The following MARCHF1 variants were observed in gnomAD, a reference collection of about 807,000 sequenced individuals.
The protein encoded by MARCHF1 is membrane associated ring-CH-type finger 1.
In MARCHF1, 40 loss-of-function variants were observed where a neutral mutation model predicts 54.2. The ratio of observed to expected loss-of-function variants is 0.74; its 90% CI spans 0.57 to 0.96. The LOEUF (loss-of-function observed/expected upper bound fraction) is 0.96. Among genes scored for constraint, MARCHF1 ranks in the 40% least tolerant of loss-of-function variants. The probability of loss-of-function intolerance (pLI) is 0.00; values close to 1 mark genes in which losing one functional copy is unlikely to be tolerated. For synonymous variants in MARCHF1, 236 were observed against 236.3 expected (o/e 1.00, Z 0.01); for missense variants, 586 against 656.5 (o/e 0.89, Z 1.17).
At chr4:163,980,110 C>T (rs1385378972) in intron 3 of MARCHF1, among the ~76,000 whole-genome samples, 1 of 146,080 alleles carries the variant, frequency 6.8e-6, no homozygotes, top group Non-Finnish European at 1.5e-5. Context: ...TACCTGACTT[C>T]AAACTTTACT....
intron 1 of MARCHF1, among the ~76,000 whole-genome samples, chr4:164,162,542 T>C (rs1186706499): frequency 6.6e-6 from 1 of 152,156 alleles, no homozygotes; most frequent in Non-Finnish European, 1.5e-5. Context: ...TGTCTCATAT[T>C]ATTTGAACAT....
chr4:163,792,131 T>C (rs1476625023), intron 4 of MARCHF1, among the ~76,000 whole-genome samples: 2 of 152,174 alleles, frequency 1.3e-5, no homozygotes, highest in African/African-American at 2.4e-5. Flanking sequence ...ATTCCTGCAG[T>C]TGCCACCAAG....
At chr4:163,940,235 A>G (rs563178640) in intron 3 of MARCHF1, among the ~76,000 whole-genome samples, 1 of 152,132 alleles carries the variant, frequency 6.6e-6, no homozygotes, top group East Asian at 1.9e-4. Context: ...CACTAACTTT[A>G]TGATGTTCTA....
At chr4:163,866,511 TATA>T (rs1166925598) in intron 3 of MARCHF1, among the ~76,000 whole-genome samples, 1 of 135,606 alleles carries the variant, frequency 7.4e-6, no homozygotes, top group Non-Finnish European at 1.6e-5. Flanking sequence ...ATATAATATA[TATA>T]ATAATATATT....
At chr4:164,339,075 T>A (rs1400761444) in intron 1 of MARCHF1, among the ~76,000 whole-genome samples, 1 of 152,082 alleles carries the variant, frequency 6.6e-6, no homozygotes, top group Admixed American at 6.6e-5. Flanking sequence ...AATATATAAA[T>A]CAAATATCAA....
At chr4:163,836,277 G>C (rs1005604778) in intron 4 of MARCHF1, among the ~76,000 whole-genome samples, 2 of 149,746 alleles carry the variant, frequency 1.3e-5, no homozygotes, top group Admixed American at 1.3e-4. Flanking sequence ...ATGGAGTCTC[G>C]CTCTATCATC....
At chr4:163,862,162 G>T (rs1377988498) in intron 3 of MARCHF1, among the ~76,000 whole-genome samples, 1 of 152,024 alleles carries the variant, frequency 6.6e-6, no homozygotes, top group South Asian at 2.1e-4. Flanking sequence ...TGAGGTGGTA[G>T]ATACAACGCT....
chr4:164,285,328 AAGG>A (rs1277127223), intron 1 of MARCHF1, among the ~76,000 whole-genome samples: 1 of 152,146 alleles, frequency 6.6e-6, no homozygotes, highest in East Asian at 1.9e-4. Flanking sequence ...CCAAGGGTTC[AAGG>A]CTGCAGTGCA....
rs1738045312 is a variant in MARCHF1, at chr4:163,524,929, C to T, written c.*3819G>A. 6.6e-6 allele frequency: 1 copy of T among 152,088 alleles called. No individual in the cohort carries two copies. Among genetic ancestry groups the T allele is most frequent in the Admixed American group, 6.6e-5 (1 of 15,246 alleles). The allele number at this position is 152,088 out of a possible 1,614,324, so 9.4% of individuals were successfully genotyped here. On this transcript the variant is annotated 3_prime_UTR_variant, in exon 10 of 10. Coordinates refer to ENST00000514618, the MANE Select transcript of MARCHF1 (RefSeq NM_001394959.1). The stretch of plus-strand genomic sequence containing the variant: ...TTTGTTTTAATGCAGTATCCAGTTT[C>T]AAAATGGGCTTTCTTTAGATGTGGA...
intron 1 of MARCHF1, among the ~76,000 whole-genome samples, chr4:164,325,176 C>G (rs1735240674): frequency 6.6e-6 from 1 of 151,224 alleles, no homozygotes; most frequent in South Asian, 2.1e-4. Context: ...AGGTAATAAT[C>G]AAAGATACAG....
At chr4:164,328,520 G>A (rs991565981) in intron 1 of MARCHF1, among the ~76,000 whole-genome samples, 13 of 151,860 alleles carry the variant, frequency 8.6e-5, no homozygotes, top group African/African-American at 1.2e-4. Context: ...TCAGTGTATC[G>A]AGTCATATGA....
chr4:163,938,863 C>G (rs1410075255), intron 3 of MARCHF1, among the ~76,000 whole-genome samples: 34 of 152,090 alleles, frequency 2.2e-4, no homozygotes, highest in Non-Finnish European at 1.0e-4. Context: ...CTGGTGAGAA[C>G]TCACTCAGTA....
chr4:163,533,286 A>G (rs1399508941), intron 9 of MARCHF1, among the ~76,000 whole-genome samples: 28 of 151,998 alleles, frequency 1.8e-4, no homozygotes, highest in Non-Finnish European at 1.5e-5. Flanking sequence ...CAACTATGTG[A>G]CATTCTAGAA....
chr4:163,541,065 G>A (rs898892238), intron 9 of MARCHF1, among the ~76,000 whole-genome samples: 1 of 152,148 alleles, frequency 6.6e-6, no homozygotes, highest in Non-Finnish European at 1.5e-5. Flanking sequence ...CCAAGGGAGA[G>A]CTAGAACCCT....
At chr4:163,667,662 A>G (rs772609280) in intron 5 of MARCHF1, among the ~76,000 whole-genome samples, 11 of 151,124 alleles carry the variant, frequency 7.3e-5, no homozygotes, top group Non-Finnish European at 1.0e-4. Flanking sequence ...ATCTTGCTCT[A>G]TTACCCAGGT....
intron 1 of MARCHF1, among the ~76,000 whole-genome samples, chr4:164,380,146 A>C (rs1731326070): frequency 2.0e-5 from 3 of 152,232 alleles, no homozygotes; most frequent in Admixed American, 6.5e-5. Context: ...TTATAAGTGC[A>C]TTGACAAGAA....
chr4:163,728,933 C>A (rs534364297), intron 4 of MARCHF1, among the ~76,000 whole-genome samples: 87 of 152,238 alleles, frequency 5.7e-4, no homozygotes, highest in African/African-American at 1.9e-3. Context: ...AGTTTTATCC[C>A]ATTGAGGAAG....
chr4:163,681,431 C>T (rs1171798983), intron 5 of MARCHF1, among the ~76,000 whole-genome samples: 1 of 152,086 alleles, frequency 6.6e-6, no homozygotes, highest in Non-Finnish European at 1.5e-5. Flanking sequence ...ACATCATAGG[C>T]TGATATAGTT....
intron 1 of MARCHF1, among the ~76,000 whole-genome samples, chr4:164,199,679 CACAGAGAG>C (rs1168811664): frequency 4.7e-3 from 244 of 51,958 alleles, no homozygotes; most frequent in African/African-American, 0.017. Context: ...CACACACACA[CACAGAGAG>C]AGAGAGAGAG....
Sources: allele counts gnomAD v4.1 joint callset (sites outside exome capture counted in the v4.1 genomes callset), GRCh38; gene constraint gnomAD v4.1.1; transcripts MANE v1.5; gene names NCBI Gene and HGNC (gene_info 2026-07-23, HGNC 2026-07-21).